KCNH7: variants seen among roughly 807,000 people sequenced by gnomAD.
KCNH7 encodes the protein voltage-gated inwardly rectifying potassium channel KCNH7.
Under a neutral mutation model 120.8 loss-of-function variants are expected in KCNH7, and 49 were observed. That is an observed-to-expected ratio of 0.41 (90% confidence interval 0.32 to 0.51). The LOEUF is 0.51. Ranked by LOEUF, KCNH7 falls within the 20% of genes least tolerant of loss-of-function variation. KCNH7 has a pLI of 0.38. For missense variants in KCNH7, 1,097 were observed against 1,446.6 expected (o/e 0.76, Z 3.92); for synonymous variants, 547 against 516.1 (o/e 1.06, Z -0.81).
chr2:162,586,597 G>C (rs565884374), intron 2 of KCNH7, among the ~76,000 whole-genome samples: 35 of 151,542 alleles, frequency 2.3e-4, no homozygotes, highest in African/African-American at 8.5e-4. Context: ...CACTAAATTT[G>C]AGAAAGTTTG....
intron 2 of KCNH7, among the ~76,000 whole-genome samples, chr2:162,773,862 A>G (rs1683147287): frequency 6.6e-6 from 1 of 152,206 alleles, no homozygotes; most frequent in South Asian, 2.1e-4. Flanking sequence ...GATATGATAA[A>G]CGGGATTGTC....
At chr2:162,825,015 C>G (rs1194694036) in intron 2 of KCNH7, among the ~76,000 whole-genome samples, 3 of 151,756 alleles carry the variant, frequency 2.0e-5, no homozygotes, top group Non-Finnish European at 2.9e-5. Context: ...CTGAAAATAA[C>G]TTAAAATCCA....
chr2:162,821,047 G>C (rs1170053428), intron 2 of KCNH7, among the ~76,000 whole-genome samples: 2 of 152,076 alleles, frequency 1.3e-5, no homozygotes, highest in Non-Finnish European at 2.9e-5. Flanking sequence ...ACAATACAAG[G>C]CTAATTTTAT....
chr2:162,672,040 C>T (rs1685378946), intron 2 of KCNH7, among the ~76,000 whole-genome samples: 1 of 151,906 alleles, frequency 6.6e-6, no homozygotes, highest in African/African-American at 2.4e-5. Context: ...ACATATACTT[C>T]AATAAACATA....
intron 2 of KCNH7, among the ~76,000 whole-genome samples, chr2:162,652,144 A>C (rs1019781864): frequency 1.3e-5 from 2 of 152,220 alleles, no homozygotes; most frequent in African/African-American, 4.8e-5. Flanking sequence ...GAAAATTACA[A>C]AGCAGTGAAA....
chr2:162,586,031 T>C (rs1369328141), intron 2 of KCNH7, among the ~76,000 whole-genome samples: 1 of 152,104 alleles, frequency 6.6e-6, no homozygotes, highest in Non-Finnish European at 1.5e-5. Flanking sequence ...TCCCATATAG[T>C]TATGATTAGA....
intron 6 of KCNH7, among the ~76,000 whole-genome samples, chr2:162,494,358 T>C (rs75696685): frequency 0.015 from 2,344 of 152,230 alleles, 60 homozygotes; most frequent in African/African-American, 0.054. Context: ...AAAATCAAAC[T>C]TCAGTTTCAA....
intron 2 of KCNH7, among the ~76,000 whole-genome samples, chr2:162,538,640 T>G (rs1692195213): frequency 6.6e-6 from 1 of 152,062 alleles, no homozygotes; most frequent in South Asian, 2.1e-4. Context: ...AAGAAAACTC[T>G]TTCCTTTCTT....
chr2:162,595,031 C>T (rs536419650), intron 2 of KCNH7, among the ~76,000 whole-genome samples: 3 of 152,086 alleles, frequency 2.0e-5, no homozygotes, highest in Admixed American at 6.6e-5. Context: ...ATTCTCACAC[C>T]CAAGACTGGC....
intron 2 of KCNH7, among the ~76,000 whole-genome samples, chr2:162,676,108 T>C (rs779230737): frequency 6.6e-6 from 1 of 151,498 alleles, no homozygotes; most frequent in Non-Finnish European, 1.5e-5. Context: ...ACACCTCCTC[T>C]TCAAAATTTA....
intron 2 of KCNH7, among the ~76,000 whole-genome samples, chr2:162,712,667 A>G (rs1379481115): frequency 6.6e-6 from 1 of 152,196 alleles, no homozygotes; most frequent in African/African-American, 2.4e-5. Context: ...AAATATCTAT[A>G]GTGTCCTTTT....
At chr2:162,715,304 T>A (rs1687073407) in intron 2 of KCNH7, among the ~76,000 whole-genome samples, 1 of 152,140 alleles carries the variant, frequency 6.6e-6, no homozygotes, top group Admixed American at 6.6e-5. Flanking sequence ...TGCCACACAC[T>A]TTTAAATGAC....
At chr2:162,814,856 T>C (rs1485474833) in intron 2 of KCNH7, among the ~76,000 whole-genome samples, 2 of 152,180 alleles carry the variant, frequency 1.3e-5, no homozygotes, top group African/African-American at 4.8e-5. Flanking sequence ...TTTTAAATAT[T>C]CTTCTATTAT....
At chr2:162,650,111 A>G (rs1449816360) in intron 2 of KCNH7, among the ~76,000 whole-genome samples, 2 of 152,194 alleles carry the variant, frequency 1.3e-5, no homozygotes, top group East Asian at 3.9e-4. Flanking sequence ...GTGGGCTGGC[A>G]GCACACGGGC....
At chr2:162,624,956 G>GCTATGAT (rs1411826037) in intron 2 of KCNH7, among the ~76,000 whole-genome samples, 31 of 134,382 alleles carry the variant, frequency 2.3e-4, no homozygotes, top group Non-Finnish European at 4.4e-4. Flanking sequence ...GGAGGGCAAT[G>GCTATGAT]CTATGATCTA....
intron 2 of KCNH7, among the ~76,000 whole-genome samples, chr2:162,619,545 T>C (rs1683270888): frequency 6.6e-6 from 1 of 151,694 alleles, no homozygotes; most frequent in East Asian, 1.9e-4. Flanking sequence ...AGATGACAGC[T>C]AATCTAGTAA....
chr2:162,449,832 T>C (rs1452818807), intron 6 of KCNH7, among the ~76,000 whole-genome samples: 1 of 152,192 alleles, frequency 6.6e-6, no homozygotes, highest in East Asian at 1.9e-4. Flanking sequence ...TGTGGTAGTT[T>C]ATTATGGCAG....
At chr2:162,738,732 A>G (rs1039953896) in intron 2 of KCNH7, among the ~76,000 whole-genome samples, 8 of 152,236 alleles carry the variant, frequency 5.3e-5, no homozygotes, top group African/African-American at 1.9e-4. Context: ...AAAATTGGCT[A>G]ACACCTACTT....
chr2:162,600,286 T>G (rs2105949810), intron 2 of KCNH7, among the ~76,000 whole-genome samples: 1 of 152,138 alleles, frequency 6.6e-6, no homozygotes, highest in Non-Finnish European at 1.5e-5. Flanking sequence ...AATAGGGAGC[T>G]CATTCAATTA....
Sources: gnomAD v4.1 joint callset for allele counts (sites outside exome capture counted in the v4.1 genomes callset) on GRCh38, gnomAD v4.1.1 for gene constraint, MANE v1.5 for transcripts, NCBI Gene and HGNC (gene_info 2026-07-23, HGNC 2026-07-21) for gene names.